MROH9: variants seen among roughly 807,000 people sequenced by gnomAD.
MROH9 encodes maestro heat like repeat family member 9, also known as maestro heat-like repeat-containing protein family member 9.
In MROH9, 92 loss-of-function variants were observed where a neutral mutation model predicts 98.2. The observed-to-expected ratio is 0.94, with a 90% CI of 0.79 to 1.11. The LOEUF (loss-of-function observed/expected upper bound fraction) is 1.11. MROH9 is among the 50% of genes most tolerant of loss of function. The pLI is 0.00. For missense variants in MROH9, 1,057 were observed against 1,014.8 expected, an observed-to-expected ratio of 1.04 and a Z score of -0.57; for synonymous variants, 397 against 368.9, an observed-to-expected ratio of 1.08 and a Z score of -0.87.
chr1:170,972,914 TGAG>T (rs1040824849), intron 8 of MROH9, among the ~76,000 whole-genome samples: 1 of 146,908 alleles, frequency 6.8e-6, no homozygotes, highest in East Asian at 2.0e-4. Context: ...TCTTGAAAGA[TGAG>T]GAGGTGAGAA....
chr1:170,965,532 A>G (rs996184159), intron 7 of MROH9, among the ~76,000 whole-genome samples: 2 of 152,172 alleles, frequency 1.3e-5, no homozygotes, highest in Non-Finnish European at 2.9e-5. Flanking sequence ...TTTCCTCTGT[A>G]GACCACAATT....
intron 20 of MROH9, among the ~76,000 whole-genome samples, chr1:171,048,196 G>A (rs1028012045): frequency 6.6e-6 from 1 of 152,124 alleles, no homozygotes; most frequent in African/African-American, 2.4e-5. Context: ...TCTACAATTG[G>A]CATGTGGCAA....
At chr1:171,022,958 C>T (rs974548717) in intron 17 of MROH9, among the ~76,000 whole-genome samples, 14 of 152,096 alleles carry the variant, frequency 9.2e-5, no homozygotes, top group African/African-American at 3.4e-4. Context: ...GTAGTCAGAG[C>T]GCTCATATAA....
chr1:170,944,229 A>G (rs188726673), intron 1 of MROH9, among the ~76,000 whole-genome samples: 93 of 152,098 alleles, frequency 6.1e-4, no homozygotes, highest in Non-Finnish European at 3.8e-4. Context: ...GGTTCTGTCT[A>G]AAGTTTTGAG....
intron 20 of MROH9, among the ~76,000 whole-genome samples, chr1:171,052,869 G>A (rs1653713861): frequency 6.6e-6 from 1 of 152,132 alleles, no homozygotes; most frequent in Non-Finnish European, 1.5e-5. Context: ...AGGGAGTGGA[G>A]GGAGCACTGC....
At chr1:170,991,715 TTTAA>T (rs879357653) in intron 11 of MROH9, among the ~76,000 whole-genome samples, 1 of 152,124 alleles carries the variant, frequency 6.6e-6, no homozygotes, top group Non-Finnish European at 1.5e-5. Flanking sequence ...ATTTTTATTA[TTTAA>T]TTAGTTCATT....
At chr1:170,976,009 T>G (rs1045172099) in intron 8 of MROH9, among the ~76,000 whole-genome samples, 11 of 152,074 alleles carry the variant, frequency 7.2e-5, no homozygotes, top group Non-Finnish European at 1.3e-4. Context: ...CTTGGTAGGT[T>G]TTTCTCCATT....
chr1:171,019,867 A>C (rs1652456331), intron 17 of MROH9, among the ~76,000 whole-genome samples: 1 of 152,092 alleles, frequency 6.6e-6, no homozygotes, highest in African/African-American at 2.4e-5. Context: ...TAGATAGACC[A>C]CTAGCTAGAC....
chr1:171,027,613 C>A (rs1197472001), intron 20 of MROH9, among the ~76,000 whole-genome samples: 1 of 152,172 alleles, frequency 6.6e-6, no homozygotes, highest in Non-Finnish European at 1.5e-5. Flanking sequence ...GGTCCTAGAT[C>A]CTTGAGGAAT....
chr1:170,941,725 GA>G (rs1649127797), intron 1 of MROH9, among the ~76,000 whole-genome samples: 1 of 152,140 alleles, frequency 6.6e-6, no homozygotes. Flanking sequence ...CTGATTTACA[GA>G]AAAGAGCAAG....
In MROH9 at chr1:170,947,621, A is replaced by T. The variant is rs1240651282; in HGVS notation, c.72+48A>T. 3 of 1,505,654 alleles carry T rather than the reference A, an allele frequency of 2.0e-6. No individual in the cohort carries two copies. The African/African-American group carries it at 4.2e-5, about 21-fold the overall frequency. The allele number at this position is 1,505,654 out of a possible 1,614,324, so 93.3% of individuals were successfully genotyped here. On this transcript the variant is annotated intron_variant, in intron 3 of 21. Transcript: ENST00000367759. ...ATCAACGTAACTGAATTCTCTTGGA[A>T]AAAATAACTTTTTACTGTTTCCATT...
intron 20 of MROH9, among the ~76,000 whole-genome samples, chr1:171,048,209 C>A (rs142645545): frequency 2.1e-3 from 317 of 152,284 alleles, no homozygotes; most frequent in South Asian, 8.9e-3. Context: ...TGTGGCAAAG[C>A]CAGCCAGGCC....
Position 170,965,255 on chromosome 1 carries a change from CG to C in MROH9, c.480+1del. Reference sequence around the variant, plus strand: ...TTACAGTCACAAAAGTCAGAAAATACGTAAGTCACAGAATATAACAATGCCA... The same window carrying C: ...TTACAGTCACAAAAGTCAGAAAATACTAAGTCACAGAATATAACAATGCCA... On this transcript the variant is annotated splice_donor_variant, in intron 7 of 21. Transcript: ENST00000367759. LOFTEE classifies it high-confidence loss of function. 1.3e-6 allele frequency: 2 copies of C among 1,585,516 alleles called. No individual in the cohort carries two copies. The highest frequency in any genetic ancestry group is 1.7e-6 in the Non-Finnish European group (2 of 1,154,632).
intron 3 of MROH9, among the ~76,000 whole-genome samples, chr1:170,951,288 T>A (rs1164340061): frequency 6.6e-6 from 1 of 152,130 alleles, no homozygotes; most frequent in Non-Finnish European, 1.5e-5. Flanking sequence ...AATTTGTCTC[T>A]ACAGGAATAA....
intron 15 of MROH9, among the ~76,000 whole-genome samples, chr1:171,006,707 TG>T (rs1253704341): frequency 2.0e-5 from 3 of 151,770 alleles, no homozygotes; most frequent in Non-Finnish European, 4.4e-5. Context: ...TCAAATGACT[TG>T]TCTTCAAGTT....
Position 170,996,360 on chromosome 1 carries a change from G to A in MROH9, c.1338-147G>A, listed in dbSNP as rs1057078205. On this transcript the variant is annotated intron_variant, in intron 13 of 21. Coordinates refer to ENST00000367759, the MANE Select transcript of MROH9 (RefSeq NM_001163629.2). ...TGTACTGTTAATCAGGGAAGATGAA[G>A]GACATTTAGCAATCTTTTTCCATTG... 2.6e-5 allele frequency: 21 copies of A among 811,592 alleles called. No homozygotes were observed. In the African/African-American group the frequency reaches 2.9e-4, roughly 11 times the overall value. The allele number at this position is 811,592 out of a possible 1,614,324, so 50.3% of individuals were successfully genotyped here. A position where few individuals can be genotyped will look rare whatever the true frequency, so the allele number is the denominator to read the frequency against.
At chr1:171,063,925 G>T (rs1654087135) in intron 21 of MROH9, among the ~76,000 whole-genome samples, 174 bp from the exon 22 acceptor site, 1 of 152,144 alleles carries the variant, frequency 6.6e-6, no homozygotes, top group African/African-American at 2.4e-5. Flanking sequence ...AGTAGGGATA[G>T]ATGATAAAAC....
intron 20 of MROH9, among the ~76,000 whole-genome samples, chr1:171,041,503 G>T (rs1653304340): frequency 6.7e-6 from 1 of 150,324 alleles, no homozygotes; most frequent in South Asian, 2.1e-4. Flanking sequence ...GCATGACTTT[G>T]CTATTGTAAA....
At chr1:171,057,109 G>T (rs1421696434) in intron 20 of MROH9, among the ~76,000 whole-genome samples, 16 of 152,210 alleles carry the variant, frequency 1.1e-4, no homozygotes, top group Non-Finnish European at 5.9e-5. Context: ...ACTGGACGGA[G>T]GATGAGATGG....
Sources: gnomAD v4.1 joint callset for allele counts (sites outside exome capture counted in the v4.1 genomes callset) on GRCh38, gnomAD v4.1.1 for gene constraint, MANE v1.5 for transcripts, NCBI Gene and HGNC (gene_info 2026-07-23, HGNC 2026-07-21) for gene names.